The following SLC26A8 variants were observed in gnomAD, a reference collection of about 807,000 sequenced individuals.
The protein encoded by SLC26A8 is solute carrier family 26 member 8, also known as testis anion transporter 1.
A neutral mutation model predicts 105.0 loss-of-function variants in SLC26A8; 70 were observed. The observed-to-expected ratio is 0.67, with a 90% CI of 0.55 to 0.81. The LOEUF is 0.81. Among genes scored for constraint, SLC26A8 ranks in the 40% least tolerant of loss-of-function variants. The pLI is 0.00. For synonymous variants in SLC26A8, 415 were observed against 438.3 expected (o/e 0.95, Z 0.66); for missense variants, 998 against 1,181.8 (o/e 0.84, Z 2.28).
intron 5 of SLC26A8, among the ~76,000 whole-genome samples, chr6:35,997,398 T>C (rs2127354312): frequency 6.6e-6 from 1 of 152,292 alleles, no homozygotes; most frequent in Middle Eastern, 3.4e-3. Flanking sequence ...GACCTGCCAT[T>C]TGTGGAAAAA....
chr6:35,978,413 G>A (rs1290223921), intron 8 of SLC26A8, among the ~76,000 whole-genome samples: 1 of 151,960 alleles, frequency 6.6e-6, no homozygotes, highest in African/African-American at 2.4e-5. Flanking sequence ...AAATCTGGAA[G>A]CACAAATATG....
At chr6:35,950,649 C>T (rs1205397800) in intron 19 of SLC26A8, among the ~76,000 whole-genome samples, 1 of 152,140 alleles carries the variant, frequency 6.6e-6, no homozygotes, top group African/African-American at 2.4e-5. Context: ...TGCATTTGGT[C>T]AGCTTGAGTA....
At chr6:35,987,534 G>C (rs145668987) in intron 7 of SLC26A8, among the ~76,000 whole-genome samples, 99 of 152,204 alleles carry the variant, frequency 6.5e-4, no homozygotes, top group African/African-American at 2.1e-3. Flanking sequence ...ACCATGCCCA[G>C]CTAATTTTTT....
At chr6:36,004,258 A>G (rs914163084) in intron 3 of SLC26A8, among the ~76,000 whole-genome samples, 3 of 151,354 alleles carry the variant, frequency 2.0e-5, no homozygotes, top group African/African-American at 7.3e-5. Flanking sequence ...TGTAGTTTTC[A>G]TAGAGACAGG....
Position 35,985,925 on chromosome 6 carries a change from A to C in SLC26A8, c.943-3722T>G, listed in dbSNP as rs370628339. Reference sequence around the variant, plus strand: ...GAATTAACAAATAAAAATCATATATATTTGTCATATACAACATGTTGTTTT... The same window carrying C: ...GAATTAACAAATAAAAATCATATATCTTTGTCATATACAACATGTTGTTTT... On this transcript the variant is annotated intron_variant, in intron 7 of 19. Transcript: ENST00000490799. 2.7e-5 allele frequency among the ~76,000 whole-genome samples: 4 copies of C among 147,404 alleles called. No individual in the cohort carries two copies. In the East Asian group the frequency reaches 8.0e-4, roughly 29 times the overall value.
At chr6:35,971,627 A>G (rs75363059) in intron 10 of SLC26A8, among the ~76,000 whole-genome samples, 5,962 of 152,288 alleles carry the variant, frequency 0.039, 137 homozygotes, top group Middle Eastern at 0.088. Context: ...CCCACTTTCC[A>G]GATGAAGACT....
Position 35,943,729 on chromosome 6 carries a change from G to T in SLC26A8, c.*171C>A. Reference sequence around the variant, plus strand: ...TTGTTGGCATTTAGTAATGTGATTTGGGAGTATGATCCCAGCGCAGAGCAA... The same window carrying T: ...TTGTTGGCATTTAGTAATGTGATTTTGGAGTATGATCCCAGCGCAGAGCAA... On this transcript the variant is annotated 3_prime_UTR_variant, in exon 20 of 20. Transcript: ENST00000490799. 1.1e-6 allele frequency: 1 copy of T among 891,370 alleles called. No homozygotes were observed. The allele number at this position is 891,370 out of a possible 1,614,324, so 55.2% of individuals were successfully genotyped here.
chr6:35,959,213 T>G (rs1772211847), intron 16 of SLC26A8, among the ~76,000 whole-genome samples: 1 of 152,008 alleles, frequency 6.6e-6, no homozygotes, highest in Non-Finnish European at 1.5e-5. Context: ...GTTCAACCAG[T>G]AGAAGTCAGA....
chr6:36,003,279 C>A (rs1410475752), intron 3 of SLC26A8, among the ~76,000 whole-genome samples: 4 of 152,112 alleles, frequency 2.6e-5, no homozygotes, highest in Non-Finnish European at 5.9e-5. Context: ...TATAGAGACC[C>A]AAGTGTTTTA....
At chr6:35,990,577 T>G (rs1334583295) in intron 7 of SLC26A8, 1 of 152,788 alleles carries the variant, frequency 6.5e-6, no homozygotes, top group African/African-American at 2.4e-5. Flanking sequence ...TGCTCCTATG[T>G]TCAAGTCCAG....
intron 5 of SLC26A8, among the ~76,000 whole-genome samples, chr6:35,994,201 A>G (rs1180563472): frequency 7.6e-6 from 1 of 131,148 alleles, no homozygotes; most frequent in African/African-American, 3.0e-5. Context: ...TGCAATCTCC[A>G]CCTCCCAGGT....
rs199646533 is a variant in SLC26A8, at chr6:35,944,323, A to G, written c.2490T>C (p.Tyr830=). 6.2e-5 allele frequency: 100 copies of G among 1,611,386 alleles called. No homozygotes were observed. The highest frequency in any genetic ancestry group is 7.8e-5 in the Non-Finnish European group (92 of 1,178,186). ...TTCCTAGAAAACTGCTGCTCATTTT[A>G]TATCTTGAATTGTCATTCTGAAATA... ...SETDKNDNSR[Y]KMSSSFLGSQ... is the part of the protein sequence containing the mutation. The change falls in exon 20 of 20, where the codon TAT becomes TAC. Residue 830 remains tyrosine (Y), a synonymous_variant. Coordinates refer to ENST00000490799, the MANE Select transcript of SLC26A8 (RefSeq NM_052961.4).
At position 35,981,094 on chromosome 6, in the gene SLC26A8, C is replaced by T. The variant is rs996288541; in HGVS notation, c.1025+1027G>A. 4.6e-5 allele frequency among the ~76,000 whole-genome samples: 7 copies of T among 151,902 alleles called. No homozygotes were observed. Among genetic ancestry groups the T allele is most frequent in the African/African-American group, 1.5e-4 (6 of 41,336 alleles). On this transcript the variant is annotated intron_variant, in intron 8 of 19. Coordinates refer to ENST00000490799, the MANE Select transcript of SLC26A8 (RefSeq NM_052961.4). The surrounding 1 kb of genome is among the most constrained non-coding windows in gnomAD (Gnocchi z 4.0). ...CTTTACAGGATTCCTTATTATACAA[C>T]GTGAGGAAATGGGCAATGCTCTTCA...
intron 1 of SLC26A8, among the ~76,000 whole-genome samples, chr6:36,020,952 A>G (rs1313445516): frequency 6.6e-6 from 1 of 152,136 alleles, no homozygotes; most frequent in Non-Finnish European, 1.5e-5. Context: ...CATTGCCAAC[A>G]TTTATTGGGC....
chr6:36,019,490 G>C (rs201008439), intron 2 of SLC26A8, 30 bp downstream of exon 2: 1 of 1,600,420 alleles, frequency 6.2e-7, no homozygotes, highest in East Asian at 2.2e-5. Context: ...TGCCCGGCTC[G>C]GCAGCAGGTG....
rs369036504 is a variant in SLC26A8 at position 35,962,403 on chromosome 6, A to T, written c.1461+123T>A. 1,675 of 765,832 alleles carry T rather than the reference A, an allele frequency of 2.2e-3. 40 individuals carry two copies. In the South Asian group the frequency reaches 0.027, roughly 12 times the overall value. 47.4% of individuals were successfully genotyped at this position (765,832 alleles called of 1,614,324 possible). A position where few individuals can be genotyped will look rare whatever the true frequency, so the allele number is the denominator to read the frequency against. On this transcript the variant is annotated intron_variant, in intron 12 of 19. Transcript: ENST00000490799. Reference sequence around the variant, plus strand: ...CTCCTTTTTAAAGCAAAACTGGAGTACTAGGCATCAAAGAGTTGTTTGTGT... The same window carrying T: ...CTCCTTTTTAAAGCAAAACTGGAGTTCTAGGCATCAAAGAGTTGTTTGTGT...
In SLC26A8 at chr6:35,977,340, G is replaced by T; in HGVS notation, c.1037C>A (p.Pro346His). 10 of 1,613,252 alleles carry T rather than the reference G, an allele frequency of 6.2e-6. No homozygotes were observed. Among genetic ancestry groups the T allele is most frequent in the Non-Finnish European group, 8.5e-6 (10 of 1,179,750 alleles). Reference protein sequence around the residue: ...IDMIPYSFLLPVTPDFSLLPK... With the variant: ...IDMIPYSFLLHVTPDFSLLPK... Reference sequence around the variant, plus strand: ...AAGAAGGCTGAAATCTGGTGTTACAGGAAGCAGAAAGCTGGAATAGAATAG... The same window carrying T: ...AAGAAGGCTGAAATCTGGTGTTACATGAAGCAGAAAGCTGGAATAGAATAG... Residue 346 changes from proline to histidine, a missense_variant, in exon 9 of 20, where the codon CCT becomes CAT. Coordinates refer to ENST00000490799, the MANE Select transcript of SLC26A8 (RefSeq NM_052961.4).
intron 9 of SLC26A8, among the ~76,000 whole-genome samples, chr6:35,976,745 C>T (rs550440835): frequency 2.6e-5 from 4 of 151,830 alleles, no homozygotes; most frequent in East Asian, 3.9e-4. Flanking sequence ...AGGGTTTCAC[C>T]GTGTTAGCCA....
In SLC26A8 at chr6:35,991,796, A is replaced by C. The variant is rs771594051; in HGVS notation, c.805T>G (p.Tyr269Asp). ...TTCGCTTTTGGGAGAGCTACACAGT[A>C]ATTAATTATGTCCTGAAAGAAAATA... ...PISFFYDIINYCVALPKANST... is the reference protein window; with the variant it reads ...PISFFYDIINDCVALPKANST... The change falls in exon 7 of 20, where the codon TAC (tyrosine) becomes GAC (aspartate). Residue 269 changes from tyrosine to aspartate, a missense_variant. Coordinates refer to ENST00000490799, the MANE Select transcript of SLC26A8 (RefSeq NM_052961.4). 4 of 1,591,816 alleles carry C rather than the reference A, an allele frequency of 2.5e-6. No homozygotes were observed. The highest frequency in any genetic ancestry group is 2.6e-6 in the Non-Finnish European group (3 of 1,172,600).
Sources: gnomAD v4.1 joint callset for allele counts (sites outside exome capture counted in the v4.1 genomes callset) on GRCh38, gnomAD v4.1.1 for gene constraint, Gnocchi (gnomAD v3.1) non-coding constraint, MANE v1.5 for transcripts, NCBI Gene and HGNC (gene_info 2026-07-23, HGNC 2026-07-21) for gene names.